The following PATL2 variants were observed in gnomAD, a reference collection of about 807,000 sequenced individuals.
PATL2 encodes the protein PAT1 homolog 2.
In PATL2, 73 loss-of-function variants were observed where a neutral mutation model predicts 77.0. The observed-to-expected ratio is 0.95, with a 90% CI of 0.78 to 1.15. The LOEUF (loss-of-function observed/expected upper bound fraction) is 1.15, where lower values mean the gene tolerates loss of function less well. Ranked by LOEUF, PATL2 falls within the 50% of genes most tolerant of loss-of-function variation. PATL2 has a pLI of 0.00. For synonymous variants in PATL2, 265 were observed against 257.1 expected (o/e 1.03, Z -0.29); for missense variants, 618 against 655.4 (o/e 0.94, Z 0.62).
intron 3 of PATL2, among the ~76,000 whole-genome samples, chr15:44,682,529 A>T (rs1382946474): frequency 6.6e-6 from 1 of 152,224 alleles, no homozygotes; most frequent in Non-Finnish European, 1.5e-5. Context: ...ATGGAAAATT[A>T]TGGACCTTTC....
Position 44,670,032 on chromosome 15 carries a change from C to G in PATL2, c.713G>C (p.Arg238Thr). The G allele has an allele frequency of 6.4e-7, 1 of 1,551,124 alleles. No individual in the cohort carries two copies. Among genetic ancestry groups the G allele is most frequent in the East Asian group, 2.4e-5 (1 of 40,918 alleles). Residue 238 changes from arginine (R) to threonine (T), a missense_variant, in exon 10 of 18, where the codon AGA (arginine) becomes ACA (threonine). Coordinates refer to ENST00000682850, the MANE Select transcript of PATL2 (RefSeq NM_001387263.1). ...CAGCTTGAGGGACTCAACCCGGTTT[C>G]TTCGTCCAAGTAGCTCTTCGTCTGC... ...KQADEELLGR[R>T]NRVESLKLVT...
At position 44,711,284 on chromosome 15, in the gene PATL2, G is replaced by A. The variant is rs763063027; in HGVS notation, c.-518C>T. ...TGAGCGCCCGGTGTCCCAAGCTGGG[G>A]CGCGCACCCCAGATCGGAGGGCGCC... On this transcript the variant is annotated 5_prime_UTR_variant, in exon 1 of 18. Coordinates refer to ENST00000682850, the MANE Select transcript of PATL2 (RefSeq NM_001387263.1). The A allele has an allele frequency of 2.7e-5, 16 of 591,072 alleles. No individual in the cohort carries two copies. Among genetic ancestry groups the A allele is most frequent in the Non-Finnish European group, 3.9e-5 (13 of 330,264 alleles). 36.6% of individuals were successfully genotyped at this position (591,072 alleles called of 1,614,324 possible).
At chr15:44,696,243 T>A (rs1011062338) in intron 3 of PATL2, among the ~76,000 whole-genome samples, 2 of 152,158 alleles carry the variant, frequency 1.3e-5, no homozygotes, top group African/African-American at 2.4e-5. Flanking sequence ...TAACTGGGTA[T>A]AATCTTCCCC....
chr15:44,678,429 G>A (rs1428898207), intron 3 of PATL2, among the ~76,000 whole-genome samples: 1 of 152,124 alleles, frequency 6.6e-6, no homozygotes. Context: ...GTTTCACTTG[G>A]GACCTACTGT....
intron 3 of PATL2, among the ~76,000 whole-genome samples, chr15:44,706,980 C>T (rs545648299): frequency 1.1e-3 from 165 of 152,246 alleles, no homozygotes; most frequent in Non-Finnish European, 1.7e-3. Flanking sequence ...AAAGTCCTTC[C>T]CACTTTTCCC....
intron 9 of PATL2, among the ~76,000 whole-genome samples, chr15:44,670,723 C>A (rs116806915): frequency 2.0e-5 from 3 of 152,206 alleles, no homozygotes; most frequent in Admixed American, 6.5e-5. Flanking sequence ...GCGTCTGTAA[C>A]CTTCCTGCAT....
At chr15:44,676,837 T>C in intron 3 of PATL2, 2 of 1,123,158 alleles carry the variant, frequency 1.8e-6, no homozygotes, top group Non-Finnish European at 2.2e-6. Context: ...ACCGTCCGAG[T>C]GTGGTGATGC....
At chr15:44,675,339 T>C in intron 5 of PATL2, 147 bp downstream of exon 5, 1 of 883,724 alleles carries the variant, frequency 1.1e-6, no homozygotes, top group Middle Eastern at 2.3e-4. Context: ...AGAGAGTCCC[T>C]AACTCAAGTT....
intron 6 of PATL2, among the ~76,000 whole-genome samples, chr15:44,673,660 T>TG (rs1286009922): frequency 1.3e-5 from 2 of 152,176 alleles, no homozygotes; most frequent in African/African-American, 4.8e-5. Flanking sequence ...CCCTCCTCTC[T>TG]ATAATAGTCT....
At chr15:44,702,970 G>A (rs917792088) in intron 3 of PATL2, among the ~76,000 whole-genome samples, 1 of 152,044 alleles carries the variant, frequency 6.6e-6, no homozygotes, top group Admixed American at 6.6e-5. Flanking sequence ...TGGATAAAAT[G>A]TTCTGTAAAT....
chr15:44,709,964 C>A (rs987884729), intron 3 of PATL2, among the ~76,000 whole-genome samples, 132 bp downstream of exon 3: 1 of 152,210 alleles, frequency 6.6e-6, no homozygotes. Flanking sequence ...AGGGAGGGAG[C>A]AAGAGTGTCT....
intron 9 of PATL2, 24 bp from the exon 10 acceptor site, chr15:44,670,111 C>CA (rs1316224482): frequency 5.2e-6 from 8 of 1,546,476 alleles, no homozygotes; most frequent in Admixed American, 2.0e-5. Context: ...GAATAGGAAA[C>CA]AAAAAAACAA....
chr15:44,669,188 G>A, intron 13 of PATL2, 49 bp from the exon 14 acceptor site: 3 of 1,521,330 alleles, frequency 2.0e-6, no homozygotes, highest in Non-Finnish European at 2.7e-6. Flanking sequence ...TAGAGGAGAG[G>A]GCTACATGCC....
In PATL2 at chr15:44,665,928, A is replaced by G. The variant is rs1263851592; in HGVS notation, c.*25T>C. The G allele has an allele frequency of 1.9e-6, 3 of 1,550,078 alleles. No homozygotes were observed. The Admixed American group carries it at 6.0e-5, about 31-fold the overall frequency. On this transcript the variant is annotated 3_prime_UTR_variant, in exon 18 of 18. Coordinates refer to ENST00000682850, the MANE Select transcript of PATL2 (RefSeq NM_001387263.1). ...AGTGTCTGATGATTCAACTTCCCAC[A>G]TACACGTATTCCAGAACAAACAGAT...
chr15:44,667,249 C>T (rs770926694), intron 15 of PATL2, 46 bp from the exon 16 acceptor site: 43 of 1,393,458 alleles, frequency 3.1e-5, no homozygotes, highest in Non-Finnish European at 3.8e-5. Flanking sequence ...AGTTCACACT[C>T]GGCATTTGGT....
At chr15:44,690,056 G>A (rs980623608) in intron 3 of PATL2, among the ~76,000 whole-genome samples, 1 of 152,024 alleles carries the variant, frequency 6.6e-6, no homozygotes, top group Non-Finnish European at 1.5e-5. Flanking sequence ...AGGCATGGTG[G>A]CACATGCCTG....
At chr15:44,667,052 G>GGAAA in intron 16 of PATL2, 54 bp downstream of exon 16, 1 of 1,362,654 alleles carries the variant, frequency 7.3e-7, no homozygotes, top group Non-Finnish European at 1.0e-6. Context: ...ACCTGGCTCA[G>GGAAA]TCTGCACATC....
chr15:44,666,269 C>G (rs2085362344), intron 17 of PATL2, 123 bp downstream of exon 17: 1 of 1,319,592 alleles, frequency 7.6e-7, no homozygotes, highest in Admixed American at 2.1e-5. Flanking sequence ...GTGTGTAGAA[C>G]CACTTCTAAA....
chr15:44,688,120 C>A (rs1489364907), intron 3 of PATL2, among the ~76,000 whole-genome samples: 1 of 151,578 alleles, frequency 6.6e-6, no homozygotes, highest in African/African-American at 2.4e-5. Context: ...GTGGCGGGTG[C>A]CTGCAGCCCC....
Sources: gnomAD v4.1 joint callset for allele counts (sites outside exome capture counted in the v4.1 genomes callset) on GRCh38, gnomAD v4.1.1 for gene constraint, MANE v1.5 for transcripts, NCBI Gene and HGNC (gene_info 2026-07-23, HGNC 2026-07-21) for gene names.